The following FRY variants were observed in gnomAD, a reference collection of about 807,000 sequenced individuals.
FRY encodes FRY microtubule binding protein.
Under a neutral mutation model 348.4 loss-of-function variants are expected in FRY, and 128 were observed. The observed-to-expected ratio is 0.37, with a 90% CI of 0.32 to 0.43. The LOEUF is 0.43. Ranked by LOEUF, FRY falls within the 20% of genes least tolerant of loss-of-function variation. FRY has a pLI of 1.00. For synonymous variants in FRY, 1,370 were observed against 1,374.7 expected, an observed-to-expected ratio of 1.00 and a Z score of 0.08; for missense variants, 2,736 against 3,695.2, an observed-to-expected ratio of 0.74 and a Z score of 6.73.
chr13:32,285,768 T>C (rs1445972978), intron 58 of FRY, among the ~76,000 whole-genome samples: 2 of 152,226 alleles, frequency 1.3e-5, no homozygotes, highest in Non-Finnish European at 2.9e-5. Flanking sequence ...GTTTCAGTCA[T>C]ATTTGATGTT....
At position 32,265,685 on chromosome 13, in the gene FRY, A is replaced by T. The variant is rs1322725771; in HGVS notation, c.7946+69A>T. The T allele has an allele frequency of 2.1e-6, 3 of 1,451,734 alleles. No homozygotes were observed. In the East Asian group the frequency reaches 7.1e-5, roughly 34 times the overall value. 89.9% of individuals were successfully genotyped at this position (1,451,734 alleles called of 1,614,324 possible). ...GTACATTATATGGCATTCACACTCAAGTTAAGTGTCACAGTTGCACTGCTG... is the reference window on the plus strand; with the variant it reads ...GTACATTATATGGCATTCACACTCATGTTAAGTGTCACAGTTGCACTGCTG... On this transcript the variant is annotated intron_variant, in intron 54 of 60. Coordinates refer to ENST00000542859, the MANE Select transcript of FRY (RefSeq NM_023037.3).
In FRY at chr13:32,237,862, C is replaced by T. The variant is rs368340587; in HGVS notation, c.6294C>T (p.Ser2098=). ...LQAQLKWADF[S]GLQQLLLKGF... The stretch of plus-strand genomic sequence containing the variant: ...CACAGCTGAAGTGGGCCGACTTCTC[C>T]GGGCTGCAGCAGCTGCTGCTGAAAG... Residue 2098 remains serine (S), a synonymous_variant, in exon 44 of 61, where the codon TCC becomes TCT. Transcript: ENST00000542859. The surrounding 1 kb of genome is among the most constrained non-coding windows in gnomAD (Gnocchi z 6.3). The T allele has an allele frequency of 1.6e-4, 251 of 1,614,152 alleles. No homozygotes were observed. Among genetic ancestry groups the T allele is most frequent in the Non-Finnish European group, 1.8e-4 (211 of 1,180,020 alleles).
chr13:32,278,553 TA>T lies in FRY; in HGVS notation c.8469+9del. On this transcript the variant is annotated splice_donor_region_variant and intron_variant, in intron 58 of 60. Coordinates refer to ENST00000542859, the MANE Select transcript of FRY (RefSeq NM_023037.3). ...CCAGGGGACTCCGAAGAAAAGGTAA[TA>T]AAAGCCTGTTAGAATGGGTCTCTTG... 1 of 1,445,050 alleles carries T rather than the reference TA, an allele frequency of 6.9e-7. No homozygotes were observed. The highest frequency in any genetic ancestry group is 9.7e-7 in the Non-Finnish European group (1 of 1,025,798). The allele number at this position is 1,445,050 out of a possible 1,614,324, so 89.5% of individuals were successfully genotyped here.
rs570990386 is a variant in FRY at position 32,071,497 on chromosome 13, T to C, written c.71-7337T>C. On this transcript the variant is annotated intron_variant, in intron 1 of 60. Transcript: ENST00000542859. ...GCAATTGTGACTGGGAGTTCACTCATGATTTGGCTCTCTGTTTGTATGTTA... is the reference window on the plus strand; with the variant it reads ...GCAATTGTGACTGGGAGTTCACTCACGATTTGGCTCTCTGTTTGTATGTTA... Among the ~76,000 whole-genome samples the C allele has an allele frequency of 2.0e-5, 3 of 152,358 alleles. No homozygotes were observed. In the South Asian group the frequency reaches 6.2e-4, roughly 32 times the overall value.
chr13:32,091,403 C>A (rs1442128852), intron 2 of FRY, among the ~76,000 whole-genome samples: 1 of 152,192 alleles, frequency 6.6e-6, no homozygotes, highest in Non-Finnish European at 1.5e-5. Flanking sequence ...GGTCAGTATT[C>A]AGAACTGTGA....
intron 31 of FRY, among the ~76,000 whole-genome samples, chr13:32,203,845 C>T (rs1884190514): frequency 6.6e-6 from 1 of 152,212 alleles, no homozygotes; most frequent in Non-Finnish European, 1.5e-5. Flanking sequence ...CTCACCACTG[C>T]TTTGTCCAGA....
chr13:32,241,780 T>C (rs1886520847), intron 46 of FRY, among the ~76,000 whole-genome samples: 1 of 152,180 alleles, frequency 6.6e-6, no homozygotes, highest in Non-Finnish European at 1.5e-5. Flanking sequence ...TTACTACCCA[T>C]AAAAAAATTG....
intron 18 of FRY, 119 bp from the exon 19 acceptor site, chr13:32,173,248 A>G (rs1185721711): frequency 1.4e-6 from 1 of 724,376 alleles, no homozygotes; most frequent in Non-Finnish European, 2.5e-6. Flanking sequence ...GTTCTAAACC[A>G]TGGTCATTTA....
At chr13:32,197,980 T>C (rs1883778113) in intron 29 of FRY, among the ~76,000 whole-genome samples, 1 of 152,234 alleles carries the variant, frequency 6.6e-6, no homozygotes, top group East Asian at 1.9e-4. Context: ...TAATTAAATA[T>C]TGAAAGGTAT....
intron 3 of FRY, among the ~76,000 whole-genome samples, chr13:32,115,614 T>C (rs926401648): frequency 2.0e-5 from 3 of 152,200 alleles, no homozygotes; most frequent in African/African-American, 7.2e-5. Flanking sequence ...ACTCAAAACC[T>C]TCGTCACATC....
intron 35 of FRY, among the ~76,000 whole-genome samples, chr13:32,216,480 C>T (rs952433975): frequency 6.6e-6 from 1 of 152,212 alleles, no homozygotes; most frequent in Admixed American, 6.5e-5. Flanking sequence ...GAGTTGTCAT[C>T]CATCCTGTAG....
At chr13:32,092,646 A>G (rs774868401) in intron 2 of FRY, among the ~76,000 whole-genome samples, 6 of 152,208 alleles carry the variant, frequency 3.9e-5, no homozygotes, top group Non-Finnish European at 5.9e-5. Context: ...TCAGCGCAGG[A>G]GAAAATTCCC....
intron 1 of FRY, among the ~76,000 whole-genome samples, chr13:32,060,098 CCT>C (rs1336004710): frequency 6.6e-6 from 1 of 152,108 alleles, no homozygotes; most frequent in African/African-American, 2.4e-5. Flanking sequence ...TTCAATTTAC[CCT>C]GAGTAAATCA....
intron 1 of FRY, among the ~76,000 whole-genome samples, chr13:32,059,477 AT>A (rs1873814120): frequency 6.7e-6 from 1 of 150,154 alleles, no homozygotes; most frequent in African/African-American, 2.5e-5. Flanking sequence ...AAAAAAAAAA[AT>A]TTATAGAGAA....
intron 54 of FRY, 61 bp downstream of exon 54, chr13:32,265,677 C>A: frequency 6.7e-7 from 1 of 1,498,392 alleles, no homozygotes; most frequent in South Asian, 1.2e-5. Context: ...ATATGGCATT[C>A]ACACTCAAGT....
Position 32,239,952 on chromosome 13 carries a change from C to T in FRY, c.6687+71C>T. 7.4e-7 allele frequency: 1 copy of T among 1,350,064 alleles called. No homozygotes were observed. The highest frequency in any genetic ancestry group is 1.4e-5 in the African/African-American group (1 of 69,492). 83.6% of individuals were successfully genotyped at this position (1,350,064 alleles called of 1,614,324 possible). A position where few individuals can be genotyped will look rare whatever the true frequency, so the allele number is the denominator to read the frequency against. On this transcript the variant is annotated intron_variant, in intron 46 of 60. Coordinates refer to ENST00000542859, the MANE Select transcript of FRY (RefSeq NM_023037.3). The surrounding 1 kb of genome is among the most constrained non-coding windows in gnomAD (Gnocchi z 4.3). ...GCCCAGGCTGATCTCAACTCTTGGGCTCAAGCAGTCCTCCTGCCTTCGCCT... is the reference window on the plus strand; with the variant it reads ...GCCCAGGCTGATCTCAACTCTTGGGTTCAAGCAGTCCTCCTGCCTTCGCCT...
chr13:32,101,331 G>GTA (rs1014576339), intron 2 of FRY, among the ~76,000 whole-genome samples: 19 of 152,116 alleles, frequency 1.2e-4, no homozygotes, highest in African/African-American at 4.3e-4. Flanking sequence ...GTCTTCCATT[G>GTA]TATATATATG....
At chr13:32,170,947 C>A in intron 17 of FRY, 65 bp from the exon 18 acceptor site, 1 of 1,163,974 alleles carries the variant, frequency 8.6e-7, no homozygotes, top group Non-Finnish European at 1.3e-6. Context: ...TCTATTAATC[C>A]TTGTTAGCTC....
chr13:32,111,670 T>C (rs894652613), intron 3 of FRY, among the ~76,000 whole-genome samples: 1 of 152,132 alleles, frequency 6.6e-6, no homozygotes, highest in African/African-American at 2.4e-5. Flanking sequence ...TACAGAACGC[T>C]CTTATACCAA....
Sources: allele counts gnomAD v4.1 joint callset (sites outside exome capture counted in the v4.1 genomes callset), GRCh38; gene constraint gnomAD v4.1.1; non-coding constraint Gnocchi (gnomAD v3.1); transcripts MANE v1.5; gene names NCBI Gene and HGNC (gene_info 2026-07-23, HGNC 2026-07-21).